CDKN2B-AS1: variants seen among roughly 807,000 people sequenced by gnomAD.
CDKN2B-AS1 encodes the protein CDKN2B and CDKN2A antisense cis and trans regulatory RNA 1, also known as CDKN2B antisense RNA 1 (non-protein coding).
At chr9:22,071,285 CTTTTTT>C (rs71336509) in intron 4 of CDKN2B-AS1, among the ~76,000 whole-genome samples, 3 of 67,580 alleles carry the variant, frequency 4.4e-5, no homozygotes, top group African/African-American at 7.0e-5. Context: ...AAATATCTAG[CTTTTTT>C]TTTTTTTTTT....
intron 4 of CDKN2B-AS1, among the ~76,000 whole-genome samples, chr9:22,067,468 T>G (rs983705577): frequency 1.3e-5 from 2 of 152,154 alleles, no homozygotes; most frequent in Middle Eastern, 3.4e-3. Flanking sequence ...TCACCTAACT[T>G]AGCACCAAAA....
At chr9:22,107,958 C>T (rs188275263) in intron 4 of CDKN2B-AS1, among the ~76,000 whole-genome samples, 4 of 152,232 alleles carry the variant, frequency 2.6e-5, no homozygotes, top group Non-Finnish European at 4.4e-5. Context: ...ACAAACCAGC[C>T]GTCAATGGGA....
At chr9:22,081,250 T>A (rs907456223) in intron 4 of CDKN2B-AS1, among the ~76,000 whole-genome samples, 1 of 151,304 alleles carries the variant, frequency 6.6e-6, no homozygotes, top group Admixed American at 6.6e-5. Context: ...TTCATTCCCA[T>A]GTTATCAGAT....
intron 4 of CDKN2B-AS1, among the ~76,000 whole-genome samples, chr9:22,090,805 T>G (rs1172618071): frequency 6.6e-6 from 1 of 152,234 alleles, no homozygotes; most frequent in Non-Finnish European, 1.5e-5. Flanking sequence ...TAGTTTCTTT[T>G]GCTGTGCAGA....
At chr9:22,064,453 G>T (rs1004056431) in intron 4 of CDKN2B-AS1, among the ~76,000 whole-genome samples, 3 of 152,136 alleles carry the variant, frequency 2.0e-5, no homozygotes, top group Admixed American at 6.5e-5. Context: ...ATAGTGGTAT[G>T]AAAAGAGGAG....
intron 4 of CDKN2B-AS1, among the ~76,000 whole-genome samples, chr9:22,100,806 A>G (rs1195880527): frequency 1.3e-5 from 2 of 152,316 alleles, no homozygotes; most frequent in East Asian, 3.9e-4. Context: ...ATCTTTGCTT[A>G]CACTTATTAT....
In CDKN2B-AS1 at chr9:22,101,943, C is replaced by A. The variant is rs557528590; in HGVS notation, n.439-25160C>A. ...GTCATGAACTGTCTATGGCACATAC[C>A]TTAAATACTGTTGGAAGGATCCGTT... On this transcript the variant is annotated intron_variant and non_coding_transcript_variant, in intron 4 of 4. Coordinates refer to ENST00000650946, the Ensembl canonical transcript of CDKN2B-AS1. Among the ~76,000 whole-genome samples, 7 of 152,220 alleles carry A rather than the reference C, an allele frequency of 4.6e-5. No individual in the cohort carries two copies. In the East Asian group the frequency reaches 1.2e-3, roughly 25 times the overall value.
At chr9:22,078,254 G>T (rs923306529) in intron 4 of CDKN2B-AS1, among the ~76,000 whole-genome samples, 1 of 151,670 alleles carries the variant, frequency 6.6e-6, no homozygotes, top group Non-Finnish European at 1.5e-5. Context: ...TTTTGTATTT[G>T]CTTGCTTTCA....
chr9:22,005,546 A>G lies in CDKN2B-AS1; in HGVS notation n.29+10385A>G, dbSNP rs1292896852. 1.1e-5 allele frequency: 4 copies of G among 366,232 alleles called. No homozygotes were observed. The highest frequency in any genetic ancestry group is 2.0e-5 in the Non-Finnish European group (4 of 197,002). The allele number at this position is 366,232 out of a possible 1,614,324, so 22.7% of individuals were successfully genotyped here. A position where few individuals can be genotyped will look rare whatever the true frequency, so the allele number is the denominator to read the frequency against. ...AGTTGTGGGTTCACCATAACTCCTC[A>G]GCAGACATTGGAGTGAACGCATCGA... is the stretch of plus-strand genomic sequence containing the variant. On this transcript the variant is annotated intron_variant and non_coding_transcript_variant, in intron 1 of 4. Transcript: ENST00000650946. This position sits in a 1 kb window ranked among gnomAD's most constrained non-coding sequence, Gnocchi z 4.9.
chr9:22,090,940 T>C (rs954638120), intron 4 of CDKN2B-AS1, among the ~76,000 whole-genome samples: 1 of 152,288 alleles, frequency 6.6e-6, no homozygotes. Context: ...GGTTTTCTTC[T>C]AGGGTTTTTA....
chr9:22,012,936 C>A (rs562765961), intron 1 of CDKN2B-AS1, among the ~76,000 whole-genome samples: 2 of 152,112 alleles, frequency 1.3e-5, no homozygotes, highest in East Asian at 1.9e-4. Flanking sequence ...TTTTAGTATC[C>A]GTATTAGTTT....
intron 4 of CDKN2B-AS1, among the ~76,000 whole-genome samples, chr9:22,108,994 G>A (rs961700349): frequency 2.6e-5 from 4 of 152,128 alleles, no homozygotes; most frequent in African/African-American, 9.7e-5. Flanking sequence ...GATAATCTAA[G>A]CTGCTCTTCC....
chr9:22,025,525 G>A (rs1397550037), intron 1 of CDKN2B-AS1, among the ~76,000 whole-genome samples: 2 of 152,082 alleles, frequency 1.3e-5, no homozygotes, highest in African/African-American at 2.4e-5. Flanking sequence ...GGACCTGCTC[G>A]TTGAAGAGAT....
chr9:22,038,812 T>G (rs184215088), intron 1 of CDKN2B-AS1, among the ~76,000 whole-genome samples: 1 of 152,052 alleles, frequency 6.6e-6, no homozygotes, highest in Non-Finnish European at 1.5e-5. Flanking sequence ...ATGTATTCCT[T>G]TGTTTCAATT....
chr9:22,008,614 TC>T (rs1312510603), intron 1 of CDKN2B-AS1: 1 of 1,552,152 alleles, frequency 6.4e-7, no homozygotes, highest in African/African-American at 1.4e-5. Context: ...AGTGGGTTTT[TC>T]AATGTCTCTC....
At chr9:22,016,597 G>T (rs577064180) in intron 1 of CDKN2B-AS1, among the ~76,000 whole-genome samples, 1 of 152,090 alleles carries the variant, frequency 6.6e-6, no homozygotes, top group Non-Finnish European at 1.5e-5. Flanking sequence ...TACCAAAACA[G>T]AGATATAGAT....
intron 1 of CDKN2B-AS1, among the ~76,000 whole-genome samples, chr9:22,034,169 G>T (rs1822590750): frequency 1.3e-5 from 2 of 152,126 alleles, no homozygotes; most frequent in African/African-American, 4.8e-5. Flanking sequence ...GTTGTTACCT[G>T]GTTCTCAATT....
chr9:22,067,751 G>C (rs1370541343), intron 4 of CDKN2B-AS1, among the ~76,000 whole-genome samples: 3 of 152,120 alleles, frequency 2.0e-5, no homozygotes, highest in African/African-American at 7.2e-5. Flanking sequence ...GAAGCAAAGA[G>C]CCTAAAGTGT....
chr9:22,022,502 G>A (rs1444115618), intron 1 of CDKN2B-AS1, among the ~76,000 whole-genome samples: 1 of 151,958 alleles, frequency 6.6e-6, no homozygotes, highest in African/African-American at 2.4e-5. Flanking sequence ...GCATTTCCTT[G>A]ATATATTTTT....
Sources: gnomAD v4.1 joint callset for allele counts (sites outside exome capture counted in the v4.1 genomes callset) on GRCh38, gnomAD v4.1.1 for gene constraint, Gnocchi (gnomAD v3.1) non-coding constraint, MANE v1.5 for transcripts, NCBI Gene and HGNC (gene_info 2026-07-23, HGNC 2026-07-21) for gene names.